ADGRB3: variants seen among roughly 807,000 people sequenced by gnomAD.
ADGRB3 encodes brain-specific angiogenesis inhibitor 3.
In ADGRB3, 37 loss-of-function variants were observed where a neutral mutation model predicts 193.4. The ratio of observed to expected loss-of-function variants is 0.19; its 90% confidence interval spans 0.15 to 0.25. The LOEUF (loss-of-function observed/expected upper bound fraction) is 0.25, where lower values mean the gene tolerates loss of function less well. Among genes scored for constraint, ADGRB3 ranks in the 10% least tolerant of loss-of-function variants. ADGRB3 has a pLI of 1.00. For synonymous variants in ADGRB3, 690 were observed against 644.2 expected, an observed-to-expected ratio of 1.07 and a Z score of -1.08; for missense variants, 1,637 against 1,852.9, an observed-to-expected ratio of 0.88 and a Z score of 2.14.
intron 3 of ADGRB3, among the ~76,000 whole-genome samples, chr6:68,898,388 C>T (rs1423879295): frequency 6.6e-6 from 1 of 152,074 alleles, no homozygotes; most frequent in African/African-American, 2.4e-5. Context: ...ACTCAGTTTA[C>T]TGATTTAAAT....
chr6:69,237,818 A>G (rs1378254337), intron 19 of ADGRB3, among the ~76,000 whole-genome samples: 3 of 152,042 alleles, frequency 2.0e-5, no homozygotes, highest in African/African-American at 7.2e-5. Context: ...AAAAGAGACA[A>G]TTAATAGTTG....
intron 13 of ADGRB3, among the ~76,000 whole-genome samples, chr6:69,044,260 G>A (rs1268419678): frequency 6.6e-6 from 1 of 151,910 alleles, no homozygotes; most frequent in Non-Finnish European, 1.5e-5. Context: ...TTACATTCTC[G>A]CTCCTAGACT....
At chr6:68,714,723 A>G (rs1446893509) in intron 3 of ADGRB3, among the ~76,000 whole-genome samples, 1 of 151,876 alleles carries the variant, frequency 6.6e-6, no homozygotes, top group African/African-American at 2.4e-5. Context: ...AGACTGGGAA[A>G]TATAAAAGGC....
At chr6:69,281,730 T>C (rs955628812) in intron 20 of ADGRB3, among the ~76,000 whole-genome samples, 1 of 152,140 alleles carries the variant, frequency 6.6e-6, no homozygotes, top group Non-Finnish European at 1.5e-5. Flanking sequence ...AAGGATTCCT[T>C]TGGGGAGAAT....
chr6:69,357,164 C>T (rs576456045), intron 28 of ADGRB3, among the ~76,000 whole-genome samples: 14 of 152,098 alleles, frequency 9.2e-5, no homozygotes, highest in African/African-American at 1.9e-4. Flanking sequence ...TTTAAATTAT[C>T]GTGCTCAAAT....
At chr6:69,058,011 G>C (rs1771596855) in intron 15 of ADGRB3, among the ~76,000 whole-genome samples, 2 of 151,812 alleles carry the variant, frequency 1.3e-5, no homozygotes, top group South Asian at 2.1e-4. Context: ...AGAATGAGTT[G>C]TGTTTATTCT....
rs773457847 is a variant in ADGRB3, at chr6:69,339,522, G to C, written c.3459+18G>C. 3.1e-6 allele frequency: 5 copies of C among 1,607,490 alleles called. No individual in the cohort carries two copies. Among genetic ancestry groups the C allele is most frequent in the Admixed American group, 1.7e-5 (1 of 59,918 alleles). On this transcript the variant is annotated intron_variant, in intron 26 of 31. Transcript: ENST00000370598. ...GGAGAGAGGTGAGAAGCATTCTTGT[G>C]ATAGAGAACAGTGATGGTTGGAATG...
chr6:69,343,928 C>T (rs547557055), intron 26 of ADGRB3, among the ~76,000 whole-genome samples: 22 of 152,242 alleles, frequency 1.4e-4, no homozygotes, highest in African/African-American at 5.1e-4. Flanking sequence ...ACAAAATATA[C>T]TATTTACTAT....
intron 24 of ADGRB3, among the ~76,000 whole-genome samples, 196 bp from the exon 25 acceptor site, chr6:69,338,720 G>A (rs556786063): frequency 1.6e-4 from 24 of 152,248 alleles, no homozygotes; most frequent in African/African-American, 5.1e-4. Flanking sequence ...ATGCAACAAA[G>A]GCCCATATTA....
At chr6:69,285,697 T>C (rs1330598369) in intron 20 of ADGRB3, among the ~76,000 whole-genome samples, 2 of 151,718 alleles carry the variant, frequency 1.3e-5, no homozygotes, top group East Asian at 1.9e-4. Flanking sequence ...ATAAATAAAA[T>C]AGTACTATCA....
At chr6:69,062,106 A>T (rs1237645713) in intron 15 of ADGRB3, among the ~76,000 whole-genome samples, 3 of 152,012 alleles carry the variant, frequency 2.0e-5, no homozygotes, top group Admixed American at 6.6e-5. Flanking sequence ...ATATATTCAC[A>T]CATAAACACA....
chr6:69,050,795 G>A (rs1771371179), intron 15 of ADGRB3, among the ~76,000 whole-genome samples: 1 of 152,108 alleles, frequency 6.6e-6, no homozygotes, highest in Admixed American at 6.5e-5. Context: ...GTAATTGTGT[G>A]CCTTCAGTTC....
At chr6:68,986,075 ACT>A (rs1397693108) in intron 10 of ADGRB3, among the ~76,000 whole-genome samples, 2 of 152,106 alleles carry the variant, frequency 1.3e-5, no homozygotes. Context: ...CTAGCCAAAA[ACT>A]CTGAAATTAA....
chr6:69,273,934 A>T (rs529734958), intron 20 of ADGRB3, among the ~76,000 whole-genome samples: 15 of 152,280 alleles, frequency 9.9e-5, no homozygotes, highest in Middle Eastern at 3.4e-3. Flanking sequence ...AAACAAAACA[A>T]AACACTGGAA....
intron 20 of ADGRB3, among the ~76,000 whole-genome samples, chr6:69,283,564 C>A (rs1355508272): frequency 2.6e-5 from 4 of 151,930 alleles, no homozygotes; most frequent in Non-Finnish European, 5.9e-5. Context: ...ACAGCGTGAA[C>A]TTTGGCAAGT....
At chr6:68,975,210 CT>C in intron 9 of ADGRB3, 23 bp from the exon 10 acceptor site, 1 of 1,589,592 alleles carries the variant, frequency 6.3e-7, no homozygotes, top group East Asian at 2.2e-5. Flanking sequence ...TATAAAGCTT[CT>C]CTCTGTTCTT....
chr6:69,080,341 T>C (rs554785297), intron 17 of ADGRB3, among the ~76,000 whole-genome samples: 2 of 152,162 alleles, frequency 1.3e-5, no homozygotes, highest in East Asian at 3.9e-4. Context: ...AAAGTGTTAC[T>C]ATTATTGGAT....
intron 3 of ADGRB3, among the ~76,000 whole-genome samples, chr6:68,770,078 G>T (rs904605218): frequency 7.2e-5 from 11 of 152,164 alleles, no homozygotes; most frequent in African/African-American, 2.4e-4. Context: ...AAGAGAAAAA[G>T]AAATCTGTGT....
intron 17 of ADGRB3, among the ~76,000 whole-genome samples, chr6:69,178,133 A>G (rs1775479059): frequency 6.6e-6 from 1 of 152,206 alleles, no homozygotes; most frequent in Non-Finnish European, 1.5e-5. Flanking sequence ...ATGCATATAT[A>G]CTTGGAATAT....
Sources: gnomAD v4.1 joint callset for allele counts (sites outside exome capture counted in the v4.1 genomes callset) on GRCh38, gnomAD v4.1.1 for gene constraint, MANE v1.5 for transcripts, NCBI Gene and HGNC (gene_info 2026-07-23, HGNC 2026-07-21) for gene names.